The following NRG3 variants were observed in gnomAD, a reference collection of about 807,000 sequenced individuals.
NRG3 encodes pro-neuregulin-3, membrane-bound isoform.
In NRG3, 31 loss-of-function variants were observed where a neutral mutation model predicts 66.9. That is an observed-to-expected ratio of 0.46 (90% CI 0.35 to 0.63). NRG3 has a LOEUF of 0.63. Ranked by LOEUF, NRG3 falls within the 20% of genes least tolerant of loss-of-function variation. NRG3 has a pLI of 0.00. For missense variants in NRG3, 910 were observed against 878.9 expected (o/e 1.04, Z -0.45); for synonymous variants, 393 against 359.4 (o/e 1.09, Z -1.06).
intron 2 of NRG3, among the ~76,000 whole-genome samples, chr10:82,624,697 A>ATACTGACTTCTTCTTACTC (rs2049285997): frequency 6.8e-6 from 1 of 147,730 alleles, no homozygotes; most frequent in South Asian, 2.1e-4. Context: ...GTATACACAT[A>ATACTGACTTCTTCTTACTC]TGCATACATA....
intron 3 of NRG3, among the ~76,000 whole-genome samples, chr10:82,859,555 G>T (rs2064003559): frequency 6.6e-6 from 1 of 152,144 alleles, no homozygotes. Context: ...AATGTCAGCA[G>T]CCCCTTTTTG....
At chr10:82,702,115 T>C (rs1393876493) in intron 2 of NRG3, among the ~76,000 whole-genome samples, 2 of 152,144 alleles carry the variant, frequency 1.3e-5, no homozygotes, top group Admixed American at 6.6e-5. Flanking sequence ...CAGTGCTGCT[T>C]TGAAGAGTGG....
chr10:82,744,900 A>G (rs2058580215), intron 3 of NRG3, among the ~76,000 whole-genome samples: 1 of 152,132 alleles, frequency 6.6e-6, no homozygotes, highest in African/African-American at 2.4e-5. Context: ...ATCTATTATC[A>G]TCATTATTAT....
At chr10:82,602,265 A>G (rs965184669) in intron 2 of NRG3, among the ~76,000 whole-genome samples, 2 of 152,036 alleles carry the variant, frequency 1.3e-5, no homozygotes, top group Admixed American at 6.6e-5. Context: ...GATTTGTGGT[A>G]ATGATTCTAT....
intron 6 of NRG3, among the ~76,000 whole-genome samples, chr10:82,961,611 T>G (rs1434076680): frequency 6.6e-6 from 1 of 152,224 alleles, no homozygotes; most frequent in Non-Finnish European, 1.5e-5. Flanking sequence ...CTTTGGCTAT[T>G]GCATGCTGGG....
intron 7 of NRG3, among the ~76,000 whole-genome samples, chr10:82,974,921 T>G (rs959672579): frequency 8.5e-5 from 13 of 152,216 alleles, no homozygotes; most frequent in Admixed American, 8.5e-4. Context: ...AGATTTTTAG[T>G]CACTCTTGAC....
intron 4 of NRG3, among the ~76,000 whole-genome samples, chr10:82,890,693 CTT>C (rs1403089066): frequency 6.6e-6 from 1 of 152,124 alleles, no homozygotes; most frequent in Non-Finnish European, 1.5e-5. Flanking sequence ...CTGCCAGACA[CTT>C]TTGTGTTGTG....
intron 3 of NRG3, among the ~76,000 whole-genome samples, chr10:82,834,049 A>G (rs1383031072): frequency 1.3e-5 from 2 of 152,208 alleles, no homozygotes; most frequent in Non-Finnish European, 2.9e-5. Context: ...ATCAGCCAGT[A>G]CAAAATGGTG....
At chr10:81,931,503 C>T (rs1847345378) in intron 1 of NRG3, among the ~76,000 whole-genome samples, 1 of 152,188 alleles carries the variant, frequency 6.6e-6, no homozygotes, top group African/African-American at 2.4e-5. Context: ...TCACTGTCCT[C>T]CCCTGGTCCA....
chr10:82,129,318 T>G (rs2068662656), intron 1 of NRG3, among the ~76,000 whole-genome samples: 1 of 152,190 alleles, frequency 6.6e-6, no homozygotes, highest in Non-Finnish European at 1.5e-5. Context: ...TCCAGTGATA[T>G]ATCTGATTTT....
chr10:82,792,875 T>C (rs964365183), intron 3 of NRG3, among the ~76,000 whole-genome samples: 1 of 151,924 alleles, frequency 6.6e-6, no homozygotes, highest in Non-Finnish European at 1.5e-5. Context: ...AGAGATGGGG[T>C]TTCTCCATGT....
At chr10:82,743,077 C>G (rs551700412) in intron 3 of NRG3, among the ~76,000 whole-genome samples, 16 of 152,080 alleles carry the variant, frequency 1.1e-4, no homozygotes, top group Admixed American at 1.0e-3. Context: ...TCCTCACACA[C>G]AGCTGGAGAC....
At chr10:82,290,914 A>G (rs1478863058) in intron 1 of NRG3, among the ~76,000 whole-genome samples, 6 of 151,690 alleles carry the variant, frequency 4.0e-5, no homozygotes, top group Non-Finnish European at 8.8e-5. Context: ...AAGTGCTGGG[A>G]TTACAGGCGT....
At chr10:82,456,035 G>A (rs953724343) in intron 2 of NRG3, among the ~76,000 whole-genome samples, 16 of 151,612 alleles carry the variant, frequency 1.1e-4, no homozygotes, top group African/African-American at 3.6e-4. Context: ...TCTTGTAATA[G>A]CACTTAGTTT....
At chr10:82,236,632 G>C (rs1474091242) in intron 1 of NRG3, among the ~76,000 whole-genome samples, 1 of 149,650 alleles carries the variant, frequency 6.7e-6, no homozygotes, top group African/African-American at 2.5e-5. Flanking sequence ...CCCAAACTAT[G>C]ATTTTATTTT....
intron 2 of NRG3, among the ~76,000 whole-genome samples, chr10:82,487,805 G>T (rs1268116646): frequency 6.6e-6 from 1 of 152,120 alleles, no homozygotes; most frequent in African/African-American, 2.4e-5. Context: ...TGAAAATCTT[G>T]CATATTGAAT....
chr10:82,396,527 A>G (rs2086723708), intron 2 of NRG3, among the ~76,000 whole-genome samples: 1 of 152,210 alleles, frequency 6.6e-6, no homozygotes, highest in East Asian at 1.9e-4. Flanking sequence ...ACAGCTACAC[A>G]CTTGCCGTCT....
At chr10:82,535,211 T>C (rs1469988679) in intron 2 of NRG3, among the ~76,000 whole-genome samples, 2 of 149,254 alleles carry the variant, frequency 1.3e-5, no homozygotes, top group Non-Finnish European at 3.0e-5. Context: ...ACAGTCCTTA[T>C]ATCAAAGCAT....
intron 1 of NRG3, among the ~76,000 whole-genome samples, chr10:82,249,700 A>G (rs905186013): frequency 6.6e-6 from 1 of 152,164 alleles, no homozygotes; most frequent in Non-Finnish European, 1.5e-5. Context: ...GGAAACATAG[A>G]TTGAGTCTAA....
Sources: gnomAD v4.1 joint callset for allele counts (sites outside exome capture counted in the v4.1 genomes callset) on GRCh38, gnomAD v4.1.1 for gene constraint, MANE v1.5 for transcripts, NCBI Gene and HGNC (gene_info 2026-07-23, HGNC 2026-07-21) for gene names.